Variants in TRPM6 observed in about 807,000 individuals in gnomAD.
TRPM6 encodes channel kinase 2.
In TRPM6, 111 loss-of-function variants were observed where a neutral mutation model predicts 247.6. The ratio of observed to expected loss-of-function variants is 0.45; its 90% confidence interval spans 0.38 to 0.52. TRPM6 has a LOEUF of 0.52. Ranked by LOEUF, TRPM6 falls within the 20% of genes least tolerant of loss-of-function variation. The probability of loss-of-function intolerance (pLI) is 0.00; values close to 1 mark genes in which losing one functional copy is unlikely to be tolerated. For missense variants in TRPM6, 2,126 were observed against 2,421.5 expected, an observed-to-expected ratio of 0.88 and a Z score of 2.56; for synonymous variants, 892 against 853.8, an observed-to-expected ratio of 1.04 and a Z score of -0.78.
intron 3 of TRPM6, among the ~76,000 whole-genome samples, chr9:74,845,267 T>C (rs936686140): frequency 6.6e-6 from 1 of 152,172 alleles, no homozygotes; most frequent in African/African-American, 2.4e-5. Context: ...TTATAAAAAA[T>C]GCAATATCAG....
chr9:74,760,100 C>T (rs1826572409), intron 27 of TRPM6, among the ~76,000 whole-genome samples: 1 of 152,146 alleles, frequency 6.6e-6, no homozygotes, highest in African/African-American at 2.4e-5. Context: ...GTGATAACAT[C>T]GTAGCACATT....
chr9:74,775,029 T>C (rs72618105), intron 24 of TRPM6, among the ~76,000 whole-genome samples: 8,517 of 152,262 alleles, frequency 0.056, 329 homozygotes, highest in East Asian at 0.17. Context: ...CTGGTACCAA[T>C]TGTGGAACTG....
intron 1 of TRPM6, among the ~76,000 whole-genome samples, chr9:74,886,630 GGA>G: frequency 6.6e-6 from 1 of 152,106 alleles, no homozygotes; most frequent in African/African-American, 2.4e-5. Context: ...GGTGGAGATG[GGA>G]GAGACAGGAT....
intron 5 of TRPM6, among the ~76,000 whole-genome samples, chr9:74,839,767 A>G (rs1829853494): frequency 6.6e-6 from 1 of 151,752 alleles, no homozygotes; most frequent in East Asian, 1.9e-4. Flanking sequence ...TCACAGCACC[A>G]CATATCCTAG....
intron 6 of TRPM6, among the ~76,000 whole-genome samples, chr9:74,830,743 A>ATTTTTGTTT (rs1564034407): frequency 9.4e-6 from 1 of 106,236 alleles, no homozygotes. Flanking sequence ...TGCCCAGCTA[A>ATTTTTGTTT]TTTTTGTTTT....
intron 11 of TRPM6, 64 bp from the exon 12 acceptor site, chr9:74,812,497 C>G: frequency 6.8e-7 from 1 of 1,473,914 alleles, no homozygotes. Context: ...TAAAGAATTA[C>G]ATGTTTTTGA....
At chr9:74,848,245 T>C (rs1830172533) in intron 3 of TRPM6, among the ~76,000 whole-genome samples, 1 of 152,224 alleles carries the variant, frequency 6.6e-6, no homozygotes, top group Non-Finnish European at 1.5e-5. Context: ...CTCTTTGGCA[T>C]GTCCAAATTG....
intron 23 of TRPM6, among the ~76,000 whole-genome samples, chr9:74,777,142 C>CA (rs1295748220): frequency 1.3e-5 from 2 of 152,204 alleles, no homozygotes; most frequent in African/African-American, 2.4e-5. Context: ...CACCTGAGAA[C>CA]ATGTCAGAAA....
At position 74,724,691 on chromosome 9, in the gene TRPM6, C is replaced by A; in HGVS notation, c.5991G>T (p.Glu1997Asp). The A allele has an allele frequency of 6.2e-7, 1 of 1,614,164 alleles. No homozygotes were observed. The highest frequency in any genetic ancestry group is 8.5e-7 in the Non-Finnish European group (1 of 1,180,010). ...GCTCCTCAGCTGATTCTATTTTTATCTCAAGTCCAAAGGTGGAATTTATCC... is the reference window on the plus strand; with the variant it reads ...GCTCCTCAGCTGATTCTATTTTTATATCAAGTCCAAAGGTGGAATTTATCC... ...PERINSTFGL[E>D]IKIESAEEPP... Residue 1997 changes from glutamate (E) to aspartate (D), a missense_variant, in exon 39 of 39, where the codon GAG (glutamate) becomes GAT (aspartate). Glu to Asp is a conservative substitution (Grantham distance 45, BLOSUM62 2). Around this residue, in one of 3 missense-constraint regions of TRPM6, gnomAD observed 327 missense variants for 397.7 expected, o/e 0.82. Coordinates refer to ENST00000360774, the MANE Select transcript of TRPM6 (RefSeq NM_017662.5).
At chr9:74,733,194 T>G (rs1427085260) in intron 36 of TRPM6, among the ~76,000 whole-genome samples, 1 of 150,902 alleles carries the variant, frequency 6.6e-6, no homozygotes, top group Non-Finnish European at 1.5e-5. Flanking sequence ...AGAGCTTAAC[T>G]CTATCTCAAA....
At chr9:74,757,580 AAAG>A (rs1826471807) in intron 27 of TRPM6, among the ~76,000 whole-genome samples, 1 of 149,980 alleles carries the variant, frequency 6.7e-6, no homozygotes, top group Admixed American at 6.7e-5. Context: ...AAAAAAAAAA[AAAG>A]GAGGGGAGGG....
chr9:74,789,072 G>A (rs1054971610), intron 19 of TRPM6, among the ~76,000 whole-genome samples: 1 of 152,170 alleles, frequency 6.6e-6, no homozygotes, highest in Non-Finnish European at 1.5e-5. Flanking sequence ...AAGCCCAGGA[G>A]GAATCACAGG....
intron 35 of TRPM6, 34 bp downstream of exon 35, chr9:74,739,333 G>A: frequency 6.3e-7 from 1 of 1,584,748 alleles, no homozygotes; most frequent in South Asian, 1.1e-5. Context: ...ATTCCTACTT[G>A]AAACAAAGGG....
intron 3 of TRPM6, among the ~76,000 whole-genome samples, chr9:74,851,172 A>G (rs989634206): frequency 4.6e-5 from 7 of 152,204 alleles, no homozygotes; most frequent in African/African-American, 1.7e-4. Flanking sequence ...AAATTAAAAA[A>G]TATATATTCA....
intron 13 of TRPM6, among the ~76,000 whole-genome samples, chr9:74,809,999 A>T (rs1038630879): frequency 1.3e-5 from 2 of 151,296 alleles, no homozygotes; most frequent in East Asian, 1.9e-4. Flanking sequence ...AAAAAAAAAA[A>T]AAACAAGGAT....
chr9:74,879,294 C>T lies in TRPM6; in HGVS notation c.33+8530G>A, dbSNP rs180780569. 3.3e-3 allele frequency among the ~76,000 whole-genome samples: 492 copies of T among 150,330 alleles called. 4 individuals carry two copies. Among genetic ancestry groups the T allele is most frequent in the African/African-American group, 0.011 (453 of 41,202 alleles). ...TCAATGTGGTGTAATGATTTAAATA[C>T]ATATATTTGTATATGATTTATATAT... On this transcript the variant is annotated intron_variant, in intron 1 of 38. Transcript: ENST00000360774.
chr9:74,866,312 A>G (rs766802518), intron 1 of TRPM6, among the ~76,000 whole-genome samples: 5 of 152,196 alleles, frequency 3.3e-5, no homozygotes, highest in Non-Finnish European at 5.9e-5. Context: ...TTTGGGGGAC[A>G]CTCATACCAC....
rs1186932703 is a variant in TRPM6 at position 74,821,716 on chromosome 9, C to G, written c.963G>C (p.Arg321Ser). The change falls in exon 8 of 39, where the codon AGG becomes AGC. Residue 321 changes from arginine (R) to serine (S), a missense_variant. Physicochemically the swap from Arg to Ser is moderately radical, Grantham distance 110. This residue lies in a region of TRPM6 where 1,082 missense variants were observed against 1,307.9 expected (regional missense o/e 0.83). Transcript: ENST00000360774. The part of the protein sequence containing the change: ...DPVVVCEGTG[R>S]AADLLAFTHK... ...GTGTGAAGGCCAGGAGGTCAGCCGC[C>G]CTACCTGTGCCCTCACACACCACCA... is the stretch of plus-strand genomic sequence containing the variant. 6 of 1,614,166 alleles carry G rather than the reference C, an allele frequency of 3.7e-6. No individual in the cohort carries two copies. The East Asian group carries it at 1.3e-4, about 36-fold the overall frequency.
chr9:74,778,147 G>T (rs1231793868), intron 23 of TRPM6, among the ~76,000 whole-genome samples: 2 of 152,172 alleles, frequency 1.3e-5, no homozygotes, highest in East Asian at 1.9e-4. Context: ...TCGAGAATCA[G>T]AGCCTTTGAA....
Sources: gnomAD v4.1 joint callset for allele counts (sites outside exome capture counted in the v4.1 genomes callset) on GRCh38, gnomAD v4.1.1 for gene constraint, gnomAD v4.1.1 regional missense constraint, MANE v1.5 for transcripts, NCBI Gene and HGNC (gene_info 2026-07-23, HGNC 2026-07-21) for gene names.